RNF19A: variants seen among roughly 807,000 people sequenced by gnomAD.
RNF19A encodes the protein E3 ubiquitin-protein ligase RNF19A.
Under a neutral mutation model 75.7 loss-of-function variants are expected in RNF19A, and 32 were observed. The observed-to-expected ratio is 0.42, with a 90% confidence interval of 0.32 to 0.57. The LOEUF is 0.57. Among genes scored for constraint, RNF19A ranks in the 20% least tolerant of loss-of-function variants. The pLI is 0.10. For missense variants in RNF19A, 782 were observed against 1,036.3 expected (o/e 0.75, Z 3.37); for synonymous variants, 335 against 345.2 (o/e 0.97, Z 0.33).
chr8:100,308,720 C>T (rs1822162332), intron 1 of RNF19A, among the ~76,000 whole-genome samples: 1 of 151,850 alleles, frequency 6.6e-6, no homozygotes, highest in Non-Finnish European at 1.5e-5. Context: ...GTAAAGATCA[C>T]AATTTAAGAC....
chr8:100,327,530 C>G (rs973256384), intron 1 of RNF19A, among the ~76,000 whole-genome samples: 3 of 152,128 alleles, frequency 2.0e-5, no homozygotes, highest in Non-Finnish European at 2.9e-5. Flanking sequence ...GGATTACAGG[C>G]GTGAGCCACT....
chr8:100,262,367 CT>C (rs1190937777), intron 7 of RNF19A, among the ~76,000 whole-genome samples: 2 of 152,076 alleles, frequency 1.3e-5, no homozygotes, highest in Non-Finnish European at 2.9e-5. Context: ...GACAGAAGGC[CT>C]CTTTGATAAG....
chr8:100,316,378 C>A (rs1319428919), intron 1 of RNF19A, among the ~76,000 whole-genome samples: 1 of 152,156 alleles, frequency 6.6e-6, no homozygotes, highest in Non-Finnish European at 1.5e-5. Flanking sequence ...CTGTCCCGGG[C>A]AGCCTGCTTT....
chr8:100,271,911 C>T (rs758970963), intron 3 of RNF19A, among the ~76,000 whole-genome samples: 1 of 152,066 alleles, frequency 6.6e-6, no homozygotes, highest in Non-Finnish European at 1.5e-5. Context: ...ATTAAGCCAC[C>T]GTTCCCCGAT....
intron 1 of RNF19A, among the ~76,000 whole-genome samples, chr8:100,292,435 G>GGGGGGTGT (rs137938989): frequency 1.6e-3 from 238 of 145,432 alleles, no homozygotes; most frequent in African/African-American, 5.3e-3. Context: ...CTATCATATG[G>GGGGGGTGT]GTGTGTGTGT....
In RNF19A at chr8:100,324,358, TTGA is replaced by T. The variant is rs1822501357; in HGVS notation, c.-242-10989_-242-10987del. On this transcript the variant is annotated intron_variant, in intron 1 of 3. Coordinates refer to the RNF19A transcript ENST00000519527. This position sits in a 1 kb window ranked among gnomAD's most constrained non-coding sequence, Gnocchi z 4.2. ...AGTTCAAGAGTTTGGATGACTAAAG[TTGA>T]TGATTAATCACAAAGAAGTATTTCT... Among the ~76,000 whole-genome samples, 1 of 152,230 alleles carries T rather than the reference TTGA, an allele frequency of 6.6e-6. No individual in the cohort carries two copies. Among genetic ancestry groups the T allele is most frequent in the Non-Finnish European group, 1.5e-5 (1 of 68,040 alleles).
At position 100,269,804 on chromosome 8, in the gene RNF19A, CAA is replaced by C. The variant is rs1820167322; in HGVS notation, c.1028+63_1028+64del. 2 of 1,288,782 alleles carry C rather than the reference CAA, an allele frequency of 1.6e-6. No homozygotes were observed. The highest frequency in any genetic ancestry group is 2.9e-5 in the Admixed American group (1 of 34,794). 79.8% of individuals were successfully genotyped at this position (1,288,782 alleles called of 1,614,324 possible). ...TATCTTATAAAACCCAAATTTAAGA[CAA>C]GTTATTTTGTCTTACAATATAAAAT... On this transcript the variant is annotated intron_variant, in intron 4 of 9. Coordinates refer to ENST00000341084, the MANE Select transcript of RNF19A (RefSeq NM_183419.4). The surrounding 1 kb of genome is among the most constrained non-coding windows in gnomAD (Gnocchi z 5.7).
intron 2 of RNF19A, among the ~76,000 whole-genome samples, chr8:100,286,130 G>A (rs1307315154): frequency 1.3e-5 from 2 of 152,084 alleles, no homozygotes; most frequent in East Asian, 1.9e-4. Context: ...CGATTCAATC[G>A]CATCTAAGCT....
chr8:100,310,195 T>C (rs1586691736), upstream of RNF19A: 1 of 985,106 alleles, frequency 1.0e-6, no homozygotes, highest in Non-Finnish European at 1.2e-6. Flanking sequence ...GCCCGCGTGC[T>C]GTGCGTCATG....
At chr8:100,281,694 A>C (rs1355564357) in intron 2 of RNF19A, among the ~76,000 whole-genome samples, 1 of 152,250 alleles carries the variant, frequency 6.6e-6, no homozygotes, top group African/African-American at 2.4e-5. Context: ...AGTATCTGTA[A>C]GTCCAAAATA....
chr8:100,292,122 T>C (rs1362707595), intron 1 of RNF19A, among the ~76,000 whole-genome samples: 2 of 152,192 alleles, frequency 1.3e-5, no homozygotes, highest in Admixed American at 6.5e-5. Flanking sequence ...TAAAAAATAC[T>C]ATGTTAAATG....
At position 100,315,803 on chromosome 8, in the gene RNF19A, C is replaced by T. The variant is rs1822364607; in HGVS notation, c.-242-2431G>A. On this transcript the variant is annotated intron_variant, in intron 1 of 3. Transcript: ENST00000519527. ...GGACTACAGGTGTGTGGCACCATGC[C>T]TGGCTAATCTTGCTTGTTAAAATAG... Among the ~76,000 whole-genome samples, 2 of 152,192 alleles carry T rather than the reference C, an allele frequency of 1.3e-5. 1 individual carries two copies. Among genetic ancestry groups the T allele is most frequent in the South Asian group, 4.1e-4 (2 of 4,830 alleles).
intron 2 of RNF19A, among the ~76,000 whole-genome samples, chr8:100,277,160 G>A (rs1820561786): frequency 6.6e-6 from 1 of 152,156 alleles, no homozygotes; most frequent in African/African-American, 2.4e-5. Flanking sequence ...CCTTTTGCCT[G>A]GAAATTTAGG....
At chr8:100,313,595 C>T (rs948149216), upstream of RNF19A, among the ~76,000 whole-genome samples, 5 of 152,088 alleles carry the variant, frequency 3.3e-5, no homozygotes, top group South Asian at 2.1e-4. Context: ...AAGGAGAATT[C>T]TAAATGATTG....
At position 100,264,386 on chromosome 8, in the gene RNF19A, G is replaced by T. The variant is rs192637134; in HGVS notation, c.1307-191C>A. 548 of 601,084 alleles carry T rather than the reference G, an allele frequency of 9.1e-4. 1 individual carries two copies. The highest frequency in any genetic ancestry group is 1.3e-3 in the Non-Finnish European group (470 of 348,668). The allele number at this position is 601,084 out of a possible 1,614,324, so 37.2% of individuals were successfully genotyped here. On this transcript the variant is annotated intron_variant, in intron 6 of 9. Coordinates refer to ENST00000341084, the MANE Select transcript of RNF19A (RefSeq NM_183419.4). The surrounding 1 kb of genome is among the most constrained non-coding windows in gnomAD (Gnocchi z 4.7). The stretch of plus-strand genomic sequence containing the variant: ...AAATTCAAGGTTCCCAGCCTTTCAG[G>T]TAATGCACATAAGGGGAAAAAGAGA...
At chr8:100,282,402 C>T (rs998469106) in intron 2 of RNF19A, among the ~76,000 whole-genome samples, 1 of 152,160 alleles carries the variant, frequency 6.6e-6, no homozygotes, top group African/African-American at 2.4e-5. Context: ...CTTCAAAGAA[C>T]TACCCACATA....
intron 1 of RNF19A, among the ~76,000 whole-genome samples, chr8:100,292,635 CT>C (rs1821363605): frequency 6.6e-6 from 1 of 152,054 alleles, no homozygotes; most frequent in Non-Finnish European, 1.5e-5. Flanking sequence ...CACATGTTTT[CT>C]ACTGGTAATT....
chr8:100,272,516 G>T (rs1409445886), intron 3 of RNF19A, among the ~76,000 whole-genome samples: 1 of 151,400 alleles, frequency 6.6e-6, no homozygotes, highest in African/African-American at 2.4e-5. Flanking sequence ...CTACGAGTCT[G>T]CGAGAAGCCA....
At chr8:100,326,379 C>T (rs372621404) in intron 1 of RNF19A, among the ~76,000 whole-genome samples, 16 of 152,158 alleles carry the variant, frequency 1.1e-4, no homozygotes, top group African/African-American at 3.9e-4. Context: ...ATTTTCCATT[C>T]TTCTAAGTCC....
Sources: gnomAD v4.1 joint callset for allele counts (sites outside exome capture counted in the v4.1 genomes callset) on GRCh38, gnomAD v4.1.1 for gene constraint, Gnocchi (gnomAD v3.1) non-coding constraint, MANE v1.5 for transcripts, NCBI Gene and HGNC (gene_info 2026-07-23, HGNC 2026-07-21) for gene names.